MPV17L2: variants seen among roughly 807,000 people sequenced by gnomAD.
MPV17L2 encodes MPV17 mitochondrial inner membrane protein like 2, also known as mpv17-like protein 2.
MPV17L2 carries 25 observed loss-of-function variants against 24.2 expected under a neutral mutation model. That is an observed-to-expected ratio of 1.03 (90% CI 0.75 to 1.44). The LOEUF (loss-of-function observed/expected upper bound fraction) is 1.44. Ranked by LOEUF, MPV17L2 falls within the 40% of genes most tolerant of loss-of-function variation. MPV17L2 has a pLI of 0.00. For missense variants in MPV17L2, 271 were observed against 276.2 expected, an observed-to-expected ratio of 0.98 and a Z score of 0.13; for synonymous variants, 130 against 121.4, an observed-to-expected ratio of 1.07 and a Z score of -0.46.
Position 18,194,997 on chromosome 19 carries a change from T to C in MPV17L2, c.475T>C (p.Phe159Leu). Residue 159 changes from phenylalanine (F) to leucine (L), a missense_variant, in exon 4 of 5, where the codon TTC becomes CTC. Physicochemically the swap from Phe to Leu is conservative, Grantham distance 22 (BLOSUM62 0). Coordinates refer to ENST00000599612, the MANE Select transcript of MPV17L2 (RefSeq NM_032683.3). ...GTGGCCTGCTGCGCAGTTCGTGAAC[T>C]TCCTCTTCGTGCCCCCCCAATTTCG... ...CVWPAAQFVN[F>L]LFVPPQFRVT... The C allele has an allele frequency of 6.2e-7, 1 of 1,609,116 alleles. No individual in the cohort carries two copies. Among genetic ancestry groups the C allele is most frequent in the Non-Finnish European group, 8.5e-7 (1 of 1,177,516 alleles).
chr19:18,194,741 G>C (rs770323063), intron 2 of MPV17L2, 36 bp from the exon 3 acceptor site: 1 of 1,562,300 alleles, frequency 6.4e-7, no homozygotes, highest in Admixed American at 1.8e-5. Context: ...GTACTTCCTG[G>C]CCTCTAACAC....
intron 4 of MPV17L2, 41 bp downstream of exon 4, chr19:18,195,127 A>AGG: frequency 6.3e-7 from 1 of 1,599,802 alleles, no homozygotes; most frequent in Non-Finnish European, 8.5e-7. Context: ...GGGACTCCCC[A>AGG]GGGGGCTACA....
rs1967473091 is a variant in MPV17L2, at chr19:18,194,280, A to G, written c.358+246A>G. 5.6e-6 allele frequency: 3 copies of G among 533,668 alleles called. No homozygotes were observed. The East Asian group carries it at 9.5e-5, about 17-fold the overall frequency. 33.1% of individuals were successfully genotyped at this position (533,668 alleles called of 1,614,324 possible). On this transcript the variant is annotated intron_variant, in intron 2 of 4. Transcript: ENST00000599612. Reference sequence around the variant, plus strand: ...GCGGGAGGTTGAGAGCATTTCCCAAAGAAGGGGACCACACTCAGTTGAGAC... The same window carrying G: ...GCGGGAGGTTGAGAGCATTTCCCAAGGAAGGGGACCACACTCAGTTGAGAC...
In MPV17L2 at chr19:18,193,288, C is replaced by G; in HGVS notation, c.7C>G (p.Arg3Gly). The change falls in exon 1 of 5, where the codon CGG becomes GGG. Residue 3 changes from arginine to glycine, a missense_variant. Coordinates refer to ENST00000599612, the MANE Select transcript of MPV17L2 (RefSeq NM_032683.3). The part of the protein sequence containing the change: MA[R>G]GGWRRLRRLL... ...TCCTTGGTTCCTGAGGGCGATGGCG[C>G]GGGGTGGCTGGCGCCGGCTACGCCG... 6.5e-7 allele frequency: 1 copy of G among 1,540,050 alleles called. No homozygotes were observed. The highest frequency in any genetic ancestry group is 8.7e-7 in the Non-Finnish European group (1 of 1,150,600).
rs764087873 is a variant in MPV17L2, at chr19:18,194,865, C to G, written c.435+12C>G. 3.1e-6 allele frequency: 5 copies of G among 1,603,018 alleles called. No homozygotes were observed. In the Admixed American group the frequency reaches 8.5e-5, roughly 27 times the overall value. ...GGGAATTCTACAAGGTGGGAGCACCCGCCCCTTGCACATGTCCGGCCCCGC... is the reference window on the plus strand; with the variant it reads ...GGGAATTCTACAAGGTGGGAGCACCGGCCCCTTGCACATGTCCGGCCCCGC... On this transcript the variant is annotated intron_variant, in intron 3 of 4. Transcript: ENST00000599612.
rs1247895261 is a variant in MPV17L2, at chr19:18,196,477, C to A, written c.*422C>A. ...TGATCCCCTCAGAGCAGGCTCAGGC[C>A]TGGAGTCGGCCCCCAAAAGTTTCAC... On this transcript the variant is annotated 3_prime_UTR_variant, in exon 5 of 5. Transcript: ENST00000599612. 7.8e-7 allele frequency: 1 copy of A among 1,279,698 alleles called. No individual in the cohort carries two copies. The highest frequency in any genetic ancestry group is 1.0e-6 in the Non-Finnish European group (1 of 981,632). The allele number at this position is 1,279,698 out of a possible 1,614,324, so 79.3% of individuals were successfully genotyped here.
rs750451753 is a variant in MPV17L2 at position 18,195,999 on chromosome 19, A to G, written c.565A>G (p.Ser189Gly). 19 of 1,606,286 alleles carry G rather than the reference A, an allele frequency of 1.2e-5. No individual in the cohort carries two copies. Among genetic ancestry groups the G allele is most frequent in the Admixed American group, 1.7e-5 (1 of 59,660 alleles). The change falls in exon 5 of 5, where the codon AGC (serine) becomes GGC (glycine). Residue 189 changes from serine (S) to glycine (G), a missense_variant and splice_region_variant. Transcript: ENST00000599612. Reference protein sequence around the residue: ...DTYLSYLKYRSPVPLTPPGCV... With the variant: ...DTYLSYLKYRGPVPLTPPGCV... Reference sequence around the variant, plus strand: ...CAGATGCCTTGTCTTGTGTGGACAGAGCCCAGTTCCTCTGACACCCCCAGG... The same window carrying G: ...CAGATGCCTTGTCTTGTGTGGACAGGGCCCAGTTCCTCTGACACCCCCAGG...
Position 18,194,644 on chromosome 19 carries a change from C to G in MPV17L2, c.359-133C>G, listed in dbSNP as rs569156928. Reference sequence around the variant, plus strand: ...CTCTGTCCATCCCATCTGAAAGTCCCTGTCCCTCTGCCCGGGGTGGGCGGC... The same window carrying G: ...CTCTGTCCATCCCATCTGAAAGTCCGTGTCCCTCTGCCCGGGGTGGGCGGC... On this transcript the variant is annotated intron_variant, in intron 2 of 4. Coordinates refer to ENST00000599612, the MANE Select transcript of MPV17L2 (RefSeq NM_032683.3). 2,795 of 703,220 alleles carry G rather than the reference C, an allele frequency of 4.0e-3. 38 individuals are homozygous for G. The highest frequency in any genetic ancestry group is 0.028 in the South Asian group (1,563 of 56,824). The allele number at this position is 703,220 out of a possible 1,614,324, so 43.6% of individuals were successfully genotyped here.
Position 18,194,940 on chromosome 19 carries a change from C to G in MPV17L2, c.436-18C>G. 2 of 1,609,176 alleles carry G rather than the reference C, an allele frequency of 1.2e-6. No individual in the cohort carries two copies. The highest frequency in any genetic ancestry group is 1.7e-6 in the Non-Finnish European group (2 of 1,177,054). On this transcript the variant is annotated intron_variant, in intron 3 of 4. Transcript: ENST00000599612. ...CCCAGCTCTGGCCCCGCCCCTCATC[C>G]CCCGCCTCTCCCCGCAGGCAGACTG... is the stretch of plus-strand genomic sequence containing the variant.
At chr19:18,194,179 A>T (rs1316537513) in intron 2 of MPV17L2, 145 bp downstream of exon 2, 16 of 850,622 alleles carry the variant, frequency 1.9e-5, no homozygotes, top group Non-Finnish European at 2.7e-5. Context: ...CACAGCGGGG[A>T]CAGGACGGAC....
Position 18,196,174 on chromosome 19 carries a change from A to C in MPV17L2, c.*119A>C, listed in dbSNP as rs1301161780. On this transcript the variant is annotated 3_prime_UTR_variant, in exon 5 of 5. Coordinates refer to ENST00000599612, the MANE Select transcript of MPV17L2 (RefSeq NM_032683.3). Reference sequence around the variant, plus strand: ...TTGAGCCACGTCCCAGCACCACTTCAGCTCCGGAGCATTGGGCTGAGCCGC... The same window carrying C: ...TTGAGCCACGTCCCAGCACCACTTCCGCTCCGGAGCATTGGGCTGAGCCGC... 12 of 1,570,594 alleles carry C rather than the reference A, an allele frequency of 7.6e-6. No individual in the cohort carries two copies. The highest frequency in any genetic ancestry group is 1.0e-5 in the Non-Finnish European group (12 of 1,161,624).
intron 2 of MPV17L2, 73 bp from the exon 3 acceptor site, chr19:18,194,704 T>A: frequency 7.3e-7 from 1 of 1,369,398 alleles, no homozygotes; most frequent in African/African-American, 1.4e-5. Context: ...GCCCCCTCCA[T>A]CGTCAGCCCA....
chr19:18,193,258 C>T lies in MPV17L2; in HGVS notation c.-24C>T. On this transcript the variant is annotated 5_prime_UTR_variant, in exon 1 of 5. Coordinates refer to ENST00000599612, the MANE Select transcript of MPV17L2 (RefSeq NM_032683.3). ...GGCGCGGCGAAAGCAGAGCGGCGCG[C>T]CGGTTCCTTGGTTCCTGAGGGCGAT... The T allele has an allele frequency of 6.8e-7, 1 of 1,464,856 alleles. No individual in the cohort carries two copies. Among genetic ancestry groups the T allele is most frequent in the Non-Finnish European group, 9.0e-7 (1 of 1,114,820 alleles). The allele number at this position is 1,464,856 out of a possible 1,614,324, so 90.7% of individuals were successfully genotyped here. A position where few individuals can be genotyped will look rare whatever the true frequency, so the allele number is the denominator to read the frequency against.
chr19:18,194,564 T>A (rs1430211623), intron 2 of MPV17L2, among the ~76,000 whole-genome samples: 2 of 152,138 alleles, frequency 1.3e-5, no homozygotes, highest in African/African-American at 4.8e-5. Context: ...TAACCTCTCT[T>A]TCTCTCACTG....
rs1014626194 is a variant in MPV17L2, at chr19:18,196,732, A to T, written c.*677A>T. The T allele has an allele frequency of 6.3e-6, 2 of 319,802 alleles. No individual in the cohort carries two copies. The highest frequency in any genetic ancestry group is 8.8e-5 in the Admixed American group (2 of 22,664). The allele number at this position is 319,802 out of a possible 1,614,324, so 19.8% of individuals were successfully genotyped here. Reference sequence around the variant, plus strand: ...CTATTTATATTGAAAAATAAAAATAACAAAAGAAAATGCTGTGGATGATCA... The same window carrying T: ...CTATTTATATTGAAAAATAAAAATATCAAAAGAAAATGCTGTGGATGATCA... On this transcript the variant is annotated 3_prime_UTR_variant, in exon 5 of 5. Transcript: ENST00000599612.
chr19:18,193,453 G>T lies in MPV17L2; in HGVS notation c.172G>T (p.Asp58Tyr), dbSNP rs1488544633. 2 of 1,534,084 alleles carry T rather than the reference G, an allele frequency of 1.3e-6. No individual in the cohort carries two copies. The highest frequency in any genetic ancestry group is 2.5e-5 in the South Asian group (2 of 81,310). Residue 58 changes from aspartate (D) to tyrosine (Y), a missense_variant, in exon 1 of 5, where the codon GAC becomes TAC. By Grantham distance (160) the Asp-to-Tyr change is radical. Coordinates refer to ENST00000599612, the MANE Select transcript of MPV17L2 (RefSeq NM_032683.3). ...CCGCGCCCGGCCCGGCCAGGTTTTC[G>T]ACCCACGGCGCTCCGGTGAGGACGC... ...EIRARPGQVF[D>Y]PRRSASMFAV...
Position 18,193,849 on chromosome 19 carries a change from C to A in MPV17L2, c.188-15C>A. 1 of 1,613,182 alleles carries A rather than the reference C, an allele frequency of 6.2e-7. No homozygotes were observed. The highest frequency in any genetic ancestry group is 8.5e-7 in the Non-Finnish European group (1 of 1,179,310). On this transcript the variant is annotated splice_polypyrimidine_tract_variant and intron_variant, in intron 1 of 4. Coordinates refer to ENST00000599612, the MANE Select transcript of MPV17L2 (RefSeq NM_032683.3). ...TTGCCGGCCCGACCCAGCCCCCTGA[C>A]TTACACTCTTATAGCGAGCATGTTT...
At chr19:18,194,647 T>C in intron 2 of MPV17L2, 130 bp from the exon 3 acceptor site, 1 of 714,242 alleles carries the variant, frequency 1.4e-6, no homozygotes, top group Non-Finnish European at 2.4e-6. Flanking sequence ...AAAGTCCCTG[T>C]CCCTCTGCCC....
chr19:18,195,000 C>G lies in MPV17L2; in HGVS notation c.478C>G (p.Leu160Val). The change falls in exon 4 of 5, where the codon CTC becomes GTC. Residue 160 changes from leucine (L) to valine (V), a missense_variant. By Grantham distance (32) the Leu-to-Val change is conservative. Transcript: ENST00000599612. Reference sequence around the variant, plus strand: ...GCCTGCTGCGCAGTTCGTGAACTTCCTCTTCGTGCCCCCCCAATTTCGAGT... The same window carrying G: ...GCCTGCTGCGCAGTTCGTGAACTTCGTCTTCGTGCCCCCCCAATTTCGAGT... ...VWPAAQFVNF[L>V]FVPPQFRVTY... The G allele has an allele frequency of 6.2e-7, 1 of 1,614,136 alleles. No individual in the cohort carries two copies. Among genetic ancestry groups the G allele is most frequent in the South Asian group, 1.1e-5 (1 of 91,084 alleles).
Sources: allele counts gnomAD v4.1 joint callset (sites outside exome capture counted in the v4.1 genomes callset), GRCh38; gene constraint gnomAD v4.1.1; transcripts MANE v1.5; gene names NCBI Gene and HGNC (gene_info 2026-07-23, HGNC 2026-07-21).